WNT5A: variants seen among roughly 807,000 people sequenced by gnomAD.
WNT5A encodes protein Wnt-5a.
In WNT5A, 9 loss-of-function variants were observed where a neutral mutation model predicts 42.1. The ratio of observed to expected loss-of-function variants is 0.21; its 90% CI spans 0.13 to 0.37. The LOEUF (loss-of-function observed/expected upper bound fraction) is 0.37. Ranked by LOEUF, WNT5A falls within the 10% of genes least tolerant of loss-of-function variation. WNT5A has a pLI of 1.00. For missense variants in WNT5A, 426 were observed against 534.0 expected, an observed-to-expected ratio of 0.80 and a Z score of 1.99; for synonymous variants, 210 against 210.0, an observed-to-expected ratio of 1.00 and a Z score of 0.00.
chr3:55,472,517 CCAGAGAGAA>C (rs1193998995), intron 4 of WNT5A, among the ~76,000 whole-genome samples: 1 of 152,180 alleles, frequency 6.6e-6, no homozygotes, highest in Non-Finnish European at 1.5e-5. Flanking sequence ...TTATGGGCTT[CCAGAGAGAA>C]TGGGGCTGAC....
At chr3:55,484,606 G>T (rs1176404116) in intron 1 of WNT5A, among the ~76,000 whole-genome samples, 2 of 151,958 alleles carry the variant, frequency 1.3e-5, no homozygotes, top group Non-Finnish European at 2.9e-5. Context: ...GGCCCCAGGG[G>T]AAGAACGGTC....
chr3:55,481,383 C>T (rs1326011095), intron 1 of WNT5A: 1 of 983,878 alleles, frequency 1.0e-6, no homozygotes, highest in African/African-American at 1.8e-5. Flanking sequence ...GAGAGGAGCA[C>T]GGAGGCGAGT....
rs2106976339 is a variant in WNT5A, at chr3:55,483,337, C to T, written c.7-2419G>A. On this transcript the variant is annotated intron_variant, in intron 1 of 4. Coordinates refer to ENST00000264634, the MANE Select transcript of WNT5A (RefSeq NM_003392.7). The surrounding 1 kb of genome is among the most constrained non-coding windows in gnomAD (Gnocchi z 4.2). ...GCCCGGAAACACCTTGGCCCTCTTC[C>T]CTCTTCAATCCCAGTGCAACCGAGA... is the stretch of plus-strand genomic sequence containing the variant. 6.6e-6 allele frequency among the ~76,000 whole-genome samples: 1 copy of T among 152,256 alleles called. No homozygotes were observed. The highest frequency in any genetic ancestry group is 1.9e-4 in the East Asian group (1 of 5,166).
the WNT5A span, among the ~76,000 whole-genome samples, chr3:55,497,183 A>T: frequency 6.6e-6 from 1 of 152,160 alleles, no homozygotes; most frequent in Non-Finnish European, 1.5e-5. Context: ...GTGAGGTGGG[A>T]GCCTCCTAAA....
intron 4 of WNT5A, among the ~76,000 whole-genome samples, chr3:55,473,131 T>TA (rs1318116091): frequency 6.6e-6 from 1 of 152,226 alleles, no homozygotes; most frequent in Non-Finnish European, 1.5e-5. Flanking sequence ...ATGAATTCAA[T>TA]AAAAACGTAC....
intron 3 of WNT5A, among the ~76,000 whole-genome samples, chr3:55,477,253 T>C (rs1183279899): frequency 6.6e-6 from 1 of 152,246 alleles, no homozygotes; most frequent in Non-Finnish European, 1.5e-5. Context: ...ATTTTCCAAC[T>C]ATTGGAATTG....
chr3:55,471,005 A>G (rs2051240730), intron 4 of WNT5A, among the ~76,000 whole-genome samples: 1 of 152,178 alleles, frequency 6.6e-6, no homozygotes, highest in South Asian at 2.1e-4. Context: ...CGGGGAGTAA[A>G]GGTGCCAGGA....
chr3:55,486,873 C>A (rs1459297399), intron 1 of WNT5A, 107 bp downstream of exon 1: 3 of 823,004 alleles, frequency 3.6e-6, no homozygotes, highest in South Asian at 2.8e-5. Flanking sequence ...CTTCTTCAGG[C>A]GGTTGGGGAA....
intron 1 of WNT5A, among the ~76,000 whole-genome samples, chr3:55,485,078 T>C (rs1243155445): frequency 1.3e-5 from 2 of 152,010 alleles, no homozygotes; most frequent in Admixed American, 6.5e-5. Flanking sequence ...CCCTTCCGTA[T>C]TGCAGCGGCC....
At chr3:55,471,281 TAAAGTGTGGGG>T (rs1298999019) in intron 4 of WNT5A, among the ~76,000 whole-genome samples, 19 of 152,174 alleles carry the variant, frequency 1.2e-4, no homozygotes, top group African/African-American at 4.6e-4. Context: ...GTCACACAGC[TAAAGTGTGGGG>T]GGACTGCGCC....
upstream of WNT5A, among the ~76,000 whole-genome samples, chr3:55,488,679 G>T (rs1350357613): frequency 6.6e-6 from 1 of 152,038 alleles, no homozygotes; most frequent in South Asian, 2.1e-4. Context: ...GAAAGAGAGA[G>T]GTCCACTCCG....
chr3:55,485,536 C>T (rs1192626748), intron 1 of WNT5A, among the ~76,000 whole-genome samples: 1 of 152,118 alleles, frequency 6.6e-6, no homozygotes, highest in East Asian at 1.9e-4. Context: ...TCCACACACT[C>T]GGACACACAC....
At chr3:55,491,598 G>T (rs1230354361), upstream of WNT5A, among the ~76,000 whole-genome samples, 1 of 152,242 alleles carries the variant, frequency 6.6e-6, no homozygotes, top group African/African-American at 2.4e-5. Context: ...CAGGGCCTGG[G>T]TTGTCATTCT....
upstream of WNT5A, among the ~76,000 whole-genome samples, chr3:55,493,655 A>G (rs1380299970): frequency 2.0e-5 from 3 of 152,222 alleles, no homozygotes; most frequent in Non-Finnish European, 4.4e-5. Context: ...GAATGAAGGA[A>G]TGATCTTACC....
At chr3:55,493,522 C>G (rs550031704), upstream of WNT5A, among the ~76,000 whole-genome samples, 6 of 151,686 alleles carry the variant, frequency 4.0e-5, no homozygotes, top group African/African-American at 1.5e-4. Flanking sequence ...TATTTGTTTA[C>G]TTGTCTGTCT....
chr3:55,472,431 T>G (rs1034504407), intron 4 of WNT5A, among the ~76,000 whole-genome samples: 1 of 152,174 alleles, frequency 6.6e-6, no homozygotes, highest in African/African-American at 2.4e-5. Flanking sequence ...TTTGAGGCAT[T>G]TCTGATCTGA....
chr3:55,483,547 G>A lies in WNT5A; in HGVS notation c.7-2629C>T, dbSNP rs1351495640. Reference sequence around the variant, plus strand: ...AACAAAAATTCTGATCAGAAACTGAGTTTCCCAAAGAAGGGGCTAAATGTT... The same window carrying A: ...AACAAAAATTCTGATCAGAAACTGAATTTCCCAAAGAAGGGGCTAAATGTT... On this transcript the variant is annotated intron_variant, in intron 1 of 4. Transcript: ENST00000264634. This position sits in a 1 kb window ranked among gnomAD's most constrained non-coding sequence, Gnocchi z 4.2. Among the ~76,000 whole-genome samples the A allele has an allele frequency of 6.6e-6, 1 of 152,198 alleles. No individual in the cohort carries two copies. Among genetic ancestry groups the A allele is most frequent in the Non-Finnish European group, 1.5e-5 (1 of 68,042 alleles).
intron 3 of WNT5A, among the ~76,000 whole-genome samples, chr3:55,475,218 G>T (rs769186336): frequency 3.3e-5 from 5 of 152,184 alleles, no homozygotes; most frequent in African/African-American, 7.2e-5. Flanking sequence ...GTCATTGAAG[G>T]AACACTCAGA....
rs2051170703 is a variant in WNT5A at position 55,467,823 on chromosome 3, A to G, written c.*2269T>C. The G allele has an allele frequency of 6.6e-6, 1 of 152,220 alleles. No individual in the cohort carries two copies. 9.4% of individuals were successfully genotyped at this position (152,220 alleles called of 1,614,324 possible). ...TCAACTCTCTTCATAAACATGAGTC[A>G]CTAAAAAGGAACAATCTGATTTAGC... On this transcript the variant is annotated 3_prime_UTR_variant, in exon 5 of 5. Coordinates refer to ENST00000264634, the MANE Select transcript of WNT5A (RefSeq NM_003392.7).
Sources: allele counts gnomAD v4.1 joint callset (sites outside exome capture counted in the v4.1 genomes callset), GRCh38; gene constraint gnomAD v4.1.1; non-coding constraint Gnocchi (gnomAD v3.1); transcripts MANE v1.5; gene names NCBI Gene and HGNC (gene_info 2026-07-23, HGNC 2026-07-21).